SPAG16: variants seen among roughly 807,000 people sequenced by gnomAD.
The protein encoded by SPAG16 is sperm associated antigen 16, also known as sperm-associated antigen 16 protein.
In SPAG16, 86 loss-of-function variants were observed where a neutral mutation model predicts 80.4. That is an observed-to-expected ratio of 1.07 (90% CI 0.90 to 1.28). The LOEUF (loss-of-function observed/expected upper bound fraction) is 1.28. SPAG16 is among the 50% of genes most tolerant of loss of function. The pLI, the probability that SPAG16 is intolerant of heterozygous loss-of-function variation, is 0.00. For synonymous variants in SPAG16, 294 were observed against 265.9 expected, an observed-to-expected ratio of 1.11 and a Z score of -1.03; for missense variants, 870 against 765.3, an observed-to-expected ratio of 1.14 and a Z score of -1.61.
chr2:214,409,130 C>G (rs1392529926), intron 15 of SPAG16, among the ~76,000 whole-genome samples: 2 of 151,544 alleles, frequency 1.3e-5, no homozygotes, highest in African/African-American at 4.9e-5. Context: ...CTGTAACGAT[C>G]ATTCAGAATT....
At chr2:213,575,954 G>A (rs2060109733) in intron 10 of SPAG16, among the ~76,000 whole-genome samples, 1 of 151,810 alleles carries the variant, frequency 6.6e-6, no homozygotes, top group African/African-American at 2.4e-5. Flanking sequence ...AGTTTCTTTT[G>A]CTTTTTGTTT....
chr2:214,138,302 G>A (rs558471902), intron 14 of SPAG16, among the ~76,000 whole-genome samples: 1 of 152,108 alleles, frequency 6.6e-6, no homozygotes, highest in Non-Finnish European at 1.5e-5. Context: ...AAAGCTAGTG[G>A]AAGATAAGGG....
intron 10 of SPAG16, among the ~76,000 whole-genome samples, chr2:213,613,644 C>CT (rs1172744923): frequency 1.3e-5 from 2 of 152,112 alleles, no homozygotes; most frequent in African/African-American, 4.8e-5. Context: ...ACATTTTGTG[C>CT]TTTTTTCTCC....
At chr2:214,291,076 C>A (rs1387264944) in intron 15 of SPAG16, among the ~76,000 whole-genome samples, 1 of 151,910 alleles carries the variant, frequency 6.6e-6, no homozygotes, top group Non-Finnish European at 1.5e-5. Flanking sequence ...ATTGTTATTT[C>A]CTATTGCTTA....
At chr2:213,893,471 G>A (rs182311639) in intron 11 of SPAG16, among the ~76,000 whole-genome samples, 223 of 152,240 alleles carry the variant, frequency 1.5e-3, no homozygotes, top group African/African-American at 5.2e-3. Flanking sequence ...CTAGTATGAA[G>A]CCCAAAAGAC....
At chr2:214,080,028 A>G (rs1346189785) in intron 13 of SPAG16, among the ~76,000 whole-genome samples, 1 of 152,198 alleles carries the variant, frequency 6.6e-6, no homozygotes, top group Non-Finnish European at 1.5e-5. Flanking sequence ...ACCTCTGTTA[A>G]GACAAACCTA....
chr2:214,261,072 A>C (rs182622178), intron 15 of SPAG16, among the ~76,000 whole-genome samples: 7 of 138,706 alleles, frequency 5.0e-5, no homozygotes, highest in Non-Finnish European at 9.1e-5. Flanking sequence ...GCGCCACTGC[A>C]CTCCAGCCTG....
intron 15 of SPAG16, among the ~76,000 whole-genome samples, chr2:214,169,794 C>T (rs1366642101): frequency 1.3e-5 from 2 of 151,892 alleles, no homozygotes; most frequent in African/African-American, 4.8e-5. Flanking sequence ...GCGTTTGAGC[C>T]TGGATTGTAT....
intron 11 of SPAG16, among the ~76,000 whole-genome samples, chr2:213,918,938 C>G (rs567750075): frequency 6.6e-6 from 1 of 151,966 alleles, no homozygotes; most frequent in Admixed American, 6.6e-5. Context: ...TCGTAATAGT[C>G]TCTGATGGTT....
At chr2:213,336,949 A>G (rs1033933072) in intron 5 of SPAG16, among the ~76,000 whole-genome samples, 1 of 152,142 alleles carries the variant, frequency 6.6e-6, no homozygotes, top group African/African-American at 2.4e-5. Flanking sequence ...GTCCACAGAT[A>G]ACTCATATGG....
chr2:213,649,753 A>G (rs1464055445), intron 10 of SPAG16, among the ~76,000 whole-genome samples: 1 of 152,004 alleles, frequency 6.6e-6, no homozygotes, highest in Non-Finnish European at 1.5e-5. Context: ...TTAAAATAAA[A>G]TATTTTTTGT....
intron 10 of SPAG16, among the ~76,000 whole-genome samples, chr2:213,683,657 T>A (rs909669536): frequency 1.3e-5 from 2 of 152,132 alleles, no homozygotes; most frequent in Admixed American, 6.6e-5. Context: ...TCTTATATAT[T>A]TTTTTTCAAG....
chr2:213,955,708 G>C (rs570958971), intron 12 of SPAG16, among the ~76,000 whole-genome samples: 1 of 151,926 alleles, frequency 6.6e-6, no homozygotes, highest in Admixed American at 6.6e-5. Context: ...TCTATTTCAT[G>C]ATTAATTATG....
chr2:214,101,589 G>T (rs1359685005), intron 13 of SPAG16, among the ~76,000 whole-genome samples: 4 of 152,070 alleles, frequency 2.6e-5, no homozygotes, highest in Non-Finnish European at 4.4e-5. Flanking sequence ...AGGGTTAGGA[G>T]GTGCGTATCT....
intron 11 of SPAG16, among the ~76,000 whole-genome samples, chr2:213,870,690 G>A (rs1213832918): frequency 6.6e-6 from 1 of 152,186 alleles, no homozygotes; most frequent in East Asian, 1.9e-4. Context: ...CTCAGAATCA[G>A]CATTTGGTAA....
Position 213,380,504 on chromosome 2 carries a change from G to A in SPAG16, c.942+5385G>A, listed in dbSNP as rs376307734. On this transcript the variant is annotated intron_variant, in intron 9 of 15. Coordinates refer to ENST00000331683, the MANE Select transcript of SPAG16 (RefSeq NM_024532.5). ...GTGCCTTCGGGACCTGCTTGAGCCC[G>A]ATCACACATACACCACTTTCATATG... Among the ~76,000 whole-genome samples, 23 of 152,210 alleles carry A rather than the reference G, an allele frequency of 1.5e-4. 1 individual carries two copies. In the East Asian group the frequency reaches 3.3e-3, roughly 22 times the overall value.
chr2:214,034,364 G>T (rs544393869), intron 13 of SPAG16, among the ~76,000 whole-genome samples: 1 of 152,318 alleles, frequency 6.6e-6, no homozygotes, highest in East Asian at 1.9e-4. Flanking sequence ...GTGTTCTCCA[G>T]ATTTCACCTA....
intron 10 of SPAG16, among the ~76,000 whole-genome samples, chr2:213,633,537 C>A (rs2062236832): frequency 6.6e-6 from 1 of 151,980 alleles, no homozygotes; most frequent in South Asian, 2.1e-4. Flanking sequence ...TCTATGAGAT[C>A]CATTTGGTCT....
At position 214,166,555 on chromosome 2, in the gene SPAG16, A is replaced by G. The variant is rs539354418; in HGVS notation, c.1720+17289A>G. Among the ~76,000 whole-genome samples, 14 of 151,912 alleles carry G rather than the reference A, an allele frequency of 9.2e-5. No homozygotes were observed. The South Asian group carries it at 2.9e-3, about 32-fold the overall frequency. ...CTCCTCAAGCCTAGTGTCAGTAACA[A>G]CTCTTCACTGCTTCTAATTTACATA... On this transcript the variant is annotated intron_variant, in intron 15 of 15. Coordinates refer to ENST00000331683, the MANE Select transcript of SPAG16 (RefSeq NM_024532.5).
Sources: gnomAD v4.1 joint callset for allele counts (sites outside exome capture counted in the v4.1 genomes callset) on GRCh38, gnomAD v4.1.1 for gene constraint, MANE v1.5 for transcripts, NCBI Gene and HGNC (gene_info 2026-07-23, HGNC 2026-07-21) for gene names.